The following GPC5 variants were observed in gnomAD, a reference collection of about 807,000 sequenced individuals.
GPC5 encodes glypican-5.
GPC5 carries 47 observed loss-of-function variants against 53.9 expected under a neutral mutation model. That is an observed-to-expected ratio of 0.87 (90% confidence interval 0.69 to 1.11). The LOEUF (loss-of-function observed/expected upper bound fraction) is 1.11, where lower values mean the gene tolerates loss of function less well. GPC5 is among the 50% of genes most tolerant of loss of function. The pLI is 0.00. For synonymous variants in GPC5, 286 were observed against 263.3 expected (o/e 1.09, Z -0.84); for missense variants, 748 against 713.1 (o/e 1.05, Z -0.56).
chr13:91,590,311 A>G (rs1218581698), intron 2 of GPC5, among the ~76,000 whole-genome samples: 1 of 152,060 alleles, frequency 6.6e-6, no homozygotes, highest in Non-Finnish European at 1.5e-5. Context: ...CTTATTTCAT[A>G]AATATTTAAT....
At position 92,093,789 on chromosome 13, in the gene GPC5, A is replaced by G. The variant is rs567333170; in HGVS notation, c.1402-51041A>G. 7.9e-5 allele frequency among the ~76,000 whole-genome samples: 12 copies of G among 152,358 alleles called. No homozygotes were observed. In the South Asian group the frequency reaches 1.9e-3, roughly 24 times the overall value. ...GGGTAGAGCCTGGGCTTTGGCTATG[A>G]ATGTTAGAAAATGAATCACTGAGAG... On this transcript the variant is annotated intron_variant, in intron 6 of 7. Coordinates refer to ENST00000377067, the MANE Select transcript of GPC5 (RefSeq NM_004466.6).
chr13:92,782,757 C>A (rs1277028838), intron 7 of GPC5, among the ~76,000 whole-genome samples: 2 of 152,136 alleles, frequency 1.3e-5, no homozygotes, highest in African/African-American at 4.8e-5. Flanking sequence ...GCTTCAGACA[C>A]TTATGTAATA....
At chr13:92,380,677 C>G (rs775162822) in intron 7 of GPC5, among the ~76,000 whole-genome samples, 1 of 147,170 alleles carries the variant, frequency 6.8e-6, no homozygotes, top group Non-Finnish European at 1.5e-5. Context: ...AGCAAACTAT[C>G]GCAAGAACAA....
chr13:91,972,432 T>G (rs1391168784), intron 6 of GPC5, among the ~76,000 whole-genome samples: 1 of 152,124 alleles, frequency 6.6e-6, no homozygotes, highest in East Asian at 1.9e-4. Context: ...TTTGCCAGTC[T>G]GTGTCTTTTA....
At chr13:91,640,651 T>G (rs748480486) in intron 2 of GPC5, among the ~76,000 whole-genome samples, 24 of 152,106 alleles carry the variant, frequency 1.6e-4, no homozygotes, top group Non-Finnish European at 2.8e-4. Flanking sequence ...GGAATATAAA[T>G]GATTCTATTA....
chr13:92,628,268 T>C (rs865775884), intron 7 of GPC5, among the ~76,000 whole-genome samples: 3 of 82,858 alleles, frequency 3.6e-5, no homozygotes, highest in African/African-American at 1.9e-4. Flanking sequence ...TTCTTTCTTT[T>C]TTTTTTTTTT....
At chr13:92,512,251 C>T (rs28432818) in intron 7 of GPC5, among the ~76,000 whole-genome samples, 1,119 of 77,554 alleles carry the variant, frequency 0.014, 6 homozygotes, top group African/African-American at 0.029. Context: ...TGTGTGTGTG[C>T]GCGCGCGCGC....
intron 7 of GPC5, among the ~76,000 whole-genome samples, chr13:92,525,749 C>T (rs950443265): frequency 3.9e-5 from 6 of 151,964 alleles, no homozygotes; most frequent in Admixed American, 1.3e-4. Context: ...GTGAAGGGAG[C>T]TCACTTCTGG....
intron 2 of GPC5, among the ~76,000 whole-genome samples, chr13:91,658,477 A>G (rs1276059485): frequency 6.6e-6 from 1 of 152,126 alleles, no homozygotes; most frequent in African/African-American, 2.4e-5. Context: ...TAATTCACAT[A>G]ATTGATTCCA....
chr13:92,671,815 C>A (rs754263783), intron 7 of GPC5, among the ~76,000 whole-genome samples: 2 of 152,022 alleles, frequency 1.3e-5, no homozygotes, highest in Non-Finnish European at 2.9e-5. Context: ...GTCCTGTAGA[C>A]GATTGAGAGT....
intron 7 of GPC5, among the ~76,000 whole-genome samples, chr13:92,229,182 G>C (rs4408406): frequency 0.23 from 35,385 of 151,874 alleles, 4,353 homozygotes; most frequent in African/African-American, 0.31. Flanking sequence ...TGTTAAGTGG[G>C]GAAGTGAGGT....
intron 1 of GPC5, among the ~76,000 whole-genome samples, chr13:91,416,727 T>C (rs562322257): frequency 6.6e-5 from 10 of 152,244 alleles, no homozygotes; most frequent in African/African-American, 2.4e-4. Context: ...TTGTGATAGT[T>C]TGCTGAGAAC....
chr13:91,959,889 C>T (rs762643168), intron 6 of GPC5, among the ~76,000 whole-genome samples: 3 of 151,962 alleles, frequency 2.0e-5, no homozygotes, highest in Non-Finnish European at 1.5e-5. Context: ...TAAAATTCAA[C>T]ATCTCTTTAT....
At chr13:92,713,672 T>C (rs979182181) in intron 7 of GPC5, among the ~76,000 whole-genome samples, 4 of 150,924 alleles carry the variant, frequency 2.7e-5, no homozygotes, top group African/African-American at 9.7e-5. Context: ...AACAATGAGA[T>C]GAGATGACAC....
intron 7 of GPC5, among the ~76,000 whole-genome samples, chr13:92,408,210 C>A (rs556682286): frequency 6.6e-6 from 1 of 152,112 alleles, no homozygotes; most frequent in African/African-American, 2.4e-5. Context: ...TAATCTAATG[C>A]CTGATGATCT....
intron 4 of GPC5, among the ~76,000 whole-genome samples, chr13:91,747,801 T>C (rs950532169): frequency 3.3e-5 from 5 of 152,222 alleles, no homozygotes; most frequent in African/African-American, 1.2e-4. Flanking sequence ...TGCTAAGCAA[T>C]GAGATTTTCA....
intron 7 of GPC5, among the ~76,000 whole-genome samples, chr13:92,638,567 T>C (rs1369614788): frequency 2.0e-5 from 3 of 152,126 alleles, no homozygotes; most frequent in African/African-American, 4.8e-5. Context: ...CTTATACTCC[T>C]CTTTCTCAGA....
intron 7 of GPC5, among the ~76,000 whole-genome samples, chr13:92,222,262 T>C (rs1416894308): frequency 6.6e-6 from 1 of 152,220 alleles, no homozygotes; most frequent in East Asian, 1.9e-4. Context: ...AAGGGGAAGA[T>C]GGGAGGCAAA....
chr13:92,255,386 A>G (rs1241929257), intron 7 of GPC5, among the ~76,000 whole-genome samples: 2 of 152,180 alleles, frequency 1.3e-5, no homozygotes, highest in African/African-American at 4.8e-5. Context: ...TCTTTGAGTC[A>G]GTAAACTTGC....
Sources: gnomAD v4.1 joint callset for allele counts (sites outside exome capture counted in the v4.1 genomes callset) on GRCh38, gnomAD v4.1.1 for gene constraint, MANE v1.5 for transcripts, NCBI Gene and HGNC (gene_info 2026-07-23, HGNC 2026-07-21) for gene names.